The following MYCBPAP variants were observed in gnomAD, a reference collection of about 807,000 sequenced individuals.
MYCBPAP encodes MYCBP associated protein.
Under a neutral mutation model 106.1 loss-of-function variants are expected in MYCBPAP, and 60 were observed. The ratio of observed to expected loss-of-function variants is 0.57; its 90% CI spans 0.46 to 0.70. MYCBPAP has a LOEUF of 0.70. Ranked by LOEUF, MYCBPAP falls within the 30% of genes least tolerant of loss-of-function variation. The probability of loss-of-function intolerance (pLI) is 0.00; values close to 1 mark genes in which losing one functional copy is unlikely to be tolerated. For missense variants in MYCBPAP, 1,064 were observed against 1,169.3 expected, an observed-to-expected ratio of 0.91 and a Z score of 1.31; for synonymous variants, 407 against 440.6, an observed-to-expected ratio of 0.92 and a Z score of 0.95.
intron 1 of MYCBPAP, among the ~76,000 whole-genome samples, chr17:50,512,031 C>G (rs77782356): frequency 1.3e-5 from 2 of 151,602 alleles, no homozygotes; most frequent in Non-Finnish European, 2.9e-5. Context: ...ATCACCACCT[C>G]TCCACCTCCC....
At position 50,526,027 on chromosome 17, in the gene MYCBPAP, G is replaced by A. The variant is rs373097449; in HGVS notation, c.1929G>A (p.Glu643=). Residue 643 remains glutamate (E), a synonymous_variant, in exon 14 of 19, where the codon GAG becomes GAA. Coordinates refer to ENST00000323776, the MANE Select transcript of MYCBPAP (RefSeq NM_032133.6). ...IATEKASVNA[E]LLPRFRSPIS... is the part of the protein sequence containing the mutation. Reference sequence around the variant, plus strand: ...CAGAGAAGGCCTCTGTGAATGCTGAGCTGTTACCACGCTTTAGGAGCCCCA... The same window carrying A: ...CAGAGAAGGCCTCTGTGAATGCTGAACTGTTACCACGCTTTAGGAGCCCCA... The A allele has an allele frequency of 6.2e-7, 1 of 1,613,896 alleles. No homozygotes were observed. The highest frequency in any genetic ancestry group is 1.3e-5 in the African/African-American group (1 of 74,926).
intron 6 of MYCBPAP, 42 bp downstream of exon 6, chr17:50,519,131 A>AGGG: frequency 1.6e-6 from 1 of 627,324 alleles, no homozygotes. Flanking sequence ...AGGGGGGTCC[A>AGGG]TGGAGGAGGG....
At position 50,518,978 on chromosome 17, in the gene MYCBPAP, C is replaced by T. The variant is rs141187205; in HGVS notation, c.657C>T (p.His219=). The T allele has an allele frequency of 7.4e-6, 12 of 1,613,352 alleles. No homozygotes were observed. The African/African-American group carries it at 1.3e-4, about 18-fold the overall frequency. ...RKKQQEALSE[H]LKKPVSELLM... ...CAATCTTGCCTCTCTCTCTAGAACA[C>T]CTAAAGAAGCCAGTGAGTGAGCTGC... The change falls in exon 6 of 19, where the codon CAC becomes CAT. Residue 219 remains histidine (H), a synonymous_variant. Coordinates refer to ENST00000323776, the MANE Select transcript of MYCBPAP (RefSeq NM_032133.6).
chr17:50,508,420 C>A, upstream of MYCBPAP: 1 of 855,090 alleles, frequency 1.2e-6, no homozygotes, highest in Non-Finnish European at 1.7e-6. Flanking sequence ...CCGCCTGTGG[C>A]GTCACAGGCC....
At chr17:50,508,304 G>GC (rs2033686455), upstream of MYCBPAP, 2 of 439,994 alleles carry the variant, frequency 4.5e-6, no homozygotes, top group East Asian at 8.3e-5. Context: ...ACCCCTACCA[G>GC]CCAGCCACTC....
chr17:50,528,056 T>TA lies in MYCBPAP; in HGVS notation c.2292-99_2292-98insA. The TA allele has an allele frequency of 2.1e-6, 2 of 942,276 alleles. 1 individual carries two copies. Among genetic ancestry groups the TA allele is most frequent in the South Asian group, 3.0e-5 (2 of 67,180 alleles). 58.4% of individuals were successfully genotyped at this position (942,276 alleles called of 1,614,324 possible). ...AGGGGTGTGGCATTTCCACAGCAGC[T>TA]CGTGGCACCAGGGTCTTTGAAGGGA... On this transcript the variant is annotated intron_variant, in intron 15 of 18. Transcript: ENST00000323776.
intron 18 of MYCBPAP, among the ~76,000 whole-genome samples, chr17:50,530,481 G>A (rs1424019689): frequency 2.1e-5 from 1 of 47,478 alleles, no homozygotes; most frequent in East Asian, 1.2e-3. Flanking sequence ...GGTGACAAGA[G>A]TGAGACTCTT....
chr17:50,525,889 T>G lies in MYCBPAP; in HGVS notation c.1791T>G (p.Tyr597Ter). 1 of 1,602,642 alleles carries G rather than the reference T, an allele frequency of 6.2e-7. No individual in the cohort carries two copies. Among genetic ancestry groups the G allele is most frequent in the Non-Finnish European group, 8.5e-7 (1 of 1,175,714 alleles). ...CCCATCCTCTGCTGCAGCTGCATTA[T>G]GAGCACCAAGTGGTGCAAAGCCTGC... is the stretch of plus-strand genomic sequence containing the variant. ...LFRHRNPPLH[Y>*]EHQVVQSLHQ... is the part of the protein sequence containing the mutation. Residue 597 changes from tyrosine (Y) to a stop codon, truncating the protein, a stop_gained, in exon 14 of 19, where the codon TAT (tyrosine) becomes TAG (stop). Transcript: ENST00000323776. LOFTEE classifies it high-confidence loss of function.
chr17:50,529,088 G>A lies in MYCBPAP; in HGVS notation c.2624G>A (p.Arg875Lys). The A allele has an allele frequency of 6.2e-7, 1 of 1,614,116 alleles. No homozygotes were observed. The highest frequency in any genetic ancestry group is 8.5e-7 in the Non-Finnish European group (1 of 1,180,022). ...KKVIKSASQD[R>K]FSLEDPTPDI... The stretch of plus-strand genomic sequence containing the variant: ...GTCATAAAATCTGCAAGTCAGGACA[G>A]GTTTTCTTTGGAAGACCCTACCCCT... Residue 875 changes from arginine to lysine, a missense_variant, in exon 18 of 19, where the codon AGG becomes AAG. Physicochemically the swap from Arg to Lys is conservative, Grantham distance 26 (BLOSUM62 2). Coordinates refer to ENST00000323776, the MANE Select transcript of MYCBPAP (RefSeq NM_032133.6).
intron 18 of MYCBPAP, 88 bp downstream of exon 18, chr17:50,529,276 A>C: frequency 1.6e-6 from 2 of 1,278,974 alleles, no homozygotes; most frequent in Non-Finnish European, 2.1e-6. Context: ...TGCCCACTCC[A>C]TCATGGTGGA....
At chr17:50,519,434 A>G in intron 6 of MYCBPAP, 1 of 642,994 alleles carries the variant, frequency 1.6e-6, no homozygotes, top group Non-Finnish European at 2.7e-6. Flanking sequence ...GTACCAACCC[A>G]CACCATCTGG....
chr17:50,519,886 A>G, intron 7 of MYCBPAP, 99 bp downstream of exon 7: 1 of 1,338,618 alleles, frequency 7.5e-7, no homozygotes, highest in African/African-American at 1.5e-5. Flanking sequence ...AAACAGGCCC[A>G]GGGCCTGTTT....
intron 13 of MYCBPAP, among the ~76,000 whole-genome samples, chr17:50,525,479 T>C (rs2412327): frequency 0.19 from 28,182 of 151,960 alleles, 3,103 homozygotes; most frequent in African/African-American, 0.31. Context: ...ATGGGTACTA[T>C]TTATTTTTGT....
At chr17:50,514,957 T>A (rs2033990159) in intron 1 of MYCBPAP, 1 of 437,942 alleles carries the variant, frequency 2.3e-6, no homozygotes, top group Non-Finnish European at 4.6e-6. Flanking sequence ...GGGGTAAGCC[T>A]TCACATGGCT....
At chr17:50,519,138 A>C in intron 6 of MYCBPAP, 49 bp downstream of exon 6, 35 of 467,624 alleles carry the variant, frequency 7.5e-5, no homozygotes, top group Non-Finnish European at 1.1e-4. Context: ...TCCATGGAGG[A>C]GGGGGCGGGG....
At chr17:50,518,447 GA>G in intron 4 of MYCBPAP, 93 bp from the exon 5 acceptor site, 1 of 1,126,998 alleles carries the variant, frequency 8.9e-7, no homozygotes, top group Non-Finnish European at 1.2e-6. Context: ...AGCGCAGTGG[GA>G]TAACAGCACG....
At chr17:50,516,728 TAGAAACGTTTCCCTGCCGGC>T in intron 2 of MYCBPAP, 31 bp downstream of exon 2, 1 of 1,612,398 alleles carries the variant, frequency 6.2e-7, no homozygotes, top group Non-Finnish European at 8.5e-7. Context: ...TCCCTTACCA[TAGAAACGTTTCCCTGCCGGC>T]AGCCTGAGTG....
intron 14 of MYCBPAP, 55 bp downstream of exon 14, chr17:50,526,322 C>T (rs2034459665): frequency 6.6e-7 from 1 of 1,511,180 alleles, no homozygotes; most frequent in African/African-American, 1.4e-5. Context: ...CTCGAACCAA[C>T]AAGGGAGGAC....
chr17:50,508,362 CCCCCG>C (rs1034619229), upstream of MYCBPAP: 11 of 518,992 alleles, frequency 2.1e-5, no homozygotes, highest in Non-Finnish European at 3.3e-5. Flanking sequence ...TCGCCCGGGT[CCCCCG>C]CCCCGCCCCG....
Sources: allele counts gnomAD v4.1 joint callset (sites outside exome capture counted in the v4.1 genomes callset), GRCh38; gene constraint gnomAD v4.1.1; transcripts MANE v1.5; gene names NCBI Gene and HGNC (gene_info 2026-07-23, HGNC 2026-07-21).